The following TBC1D5 variants were observed in gnomAD, a reference collection of about 807,000 sequenced individuals.
TBC1D5 encodes the protein TBC1 domain family member 5.
A neutral mutation model predicts 100.3 loss-of-function variants in TBC1D5; 75 were observed. The ratio of observed to expected loss-of-function variants is 0.75; its 90% CI spans 0.62 to 0.91. TBC1D5 has a LOEUF of 0.91. TBC1D5 is among the 40% of genes least tolerant of loss of function. The probability of loss-of-function intolerance (pLI) is 0.00; values close to 1 mark genes in which losing one functional copy is unlikely to be tolerated. For synonymous variants in TBC1D5, 323 were observed against 325.6 expected (o/e 0.99, Z 0.09); for missense variants, 910 against 942.4 (o/e 0.97, Z 0.45).
At chr3:17,710,153 G>T (rs1419077692) in intron 1 of TBC1D5, among the ~76,000 whole-genome samples, 2 of 151,702 alleles carry the variant, frequency 1.3e-5, no homozygotes, top group Non-Finnish European at 2.9e-5. Flanking sequence ...TGAACTAAGG[G>T]GAGAAAAAAA....
At chr3:17,481,286 TC>T (rs1350177891) in intron 3 of TBC1D5, among the ~76,000 whole-genome samples, 1 of 152,198 alleles carries the variant, frequency 6.6e-6, no homozygotes, top group Non-Finnish European at 1.5e-5. Flanking sequence ...CCATACTTGC[TC>T]CACTCTGTGC....
chr3:17,460,751 G>T (rs546251946), intron 3 of TBC1D5, among the ~76,000 whole-genome samples: 2 of 151,176 alleles, frequency 1.3e-5, no homozygotes, highest in Admixed American at 1.3e-4. Context: ...AGCTCACAGG[G>T]TTATGACGGT....
chr3:17,248,486 T>C (rs981047866), intron 16 of TBC1D5, among the ~76,000 whole-genome samples: 1 of 152,232 alleles, frequency 6.6e-6, no homozygotes, highest in African/African-American at 2.4e-5. Context: ...ATCAGAGGAA[T>C]CACTATCTAT....
intron 19 of TBC1D5, among the ~76,000 whole-genome samples, chr3:17,183,983 A>G (rs1376421287): frequency 6.6e-6 from 1 of 152,236 alleles, no homozygotes; most frequent in Non-Finnish European, 1.5e-5. Flanking sequence ...TTCCATGAGT[A>G]CATGTCTTAA....
At chr3:17,277,112 T>G (rs1284144188) in intron 15 of TBC1D5, among the ~76,000 whole-genome samples, 1 of 152,222 alleles carries the variant, frequency 6.6e-6, no homozygotes, top group East Asian at 1.9e-4. Context: ...TCAACCTCAC[T>G]AATATCCTAT....
rs145765052 is a variant in TBC1D5, at chr3:17,626,446, A to G, written c.-100-2533T>C. ...ACTGTACATGGCTAAGAGAGATCCA[A>G]AGAAATATAACATGGTCCCTGCTTT... is the stretch of plus-strand genomic sequence containing the variant. On this transcript the variant is annotated intron_variant, in intron 1 of 21. Coordinates refer to ENST00000253692, the Ensembl canonical transcript of TBC1D5. 9.5e-4 allele frequency among the ~76,000 whole-genome samples: 144 copies of G among 152,324 alleles called. 1 individual carries two copies. Among genetic ancestry groups the G allele is most frequent in the African/African-American group, 3.3e-3 (139 of 41,578 alleles).
intron 15 of TBC1D5, among the ~76,000 whole-genome samples, chr3:17,271,846 C>T (rs921336881): frequency 1.3e-5 from 2 of 152,050 alleles, no homozygotes; most frequent in Non-Finnish European, 2.9e-5. Flanking sequence ...GATTTTTCTG[C>T]ATTTATTGAG....
exon 8 of TBC1D5, chr3:17,403,187 T>C (rs1438528228): frequency 1.9e-6 from 3 of 1,585,948 alleles, no homozygotes; most frequent in Non-Finnish European, 2.6e-6. Flanking sequence ...ATACGTTCTT[T>C]TGACATCTTG....
intron 3 of TBC1D5, among the ~76,000 whole-genome samples, chr3:17,466,689 A>G (rs1038513059): frequency 3.3e-5 from 5 of 152,152 alleles, no homozygotes; most frequent in African/African-American, 1.2e-4. Flanking sequence ...ATGTCAAGTT[A>G]GACCACTAGA....
At chr3:17,225,567 C>T (rs561661515) in intron 17 of TBC1D5, among the ~76,000 whole-genome samples, 105 of 152,120 alleles carry the variant, frequency 6.9e-4, no homozygotes, top group Middle Eastern at 6.8e-3. Context: ...TCTGGGAGGC[C>T]GAGACTGGAG....
chr3:17,703,905 T>G (rs11928726), intron 1 of TBC1D5, among the ~76,000 whole-genome samples: 415 of 30,400 alleles, frequency 0.014, 4 homozygotes, highest in East Asian at 0.33. Flanking sequence ...ATATTTGTGT[T>G]TTTTTTTTGT....
intron 1 of TBC1D5, among the ~76,000 whole-genome samples, chr3:17,701,047 A>G (rs1250063001): frequency 6.6e-6 from 1 of 152,204 alleles, no homozygotes; most frequent in Non-Finnish European, 1.5e-5. Flanking sequence ...TTATTGTAGC[A>G]CTATTCACAA....
chr3:17,393,210 T>A (rs1403556348), intron 8 of TBC1D5, among the ~76,000 whole-genome samples: 1 of 152,150 alleles, frequency 6.6e-6, no homozygotes, highest in Non-Finnish European at 1.5e-5. Flanking sequence ...TGGGGTTGTT[T>A]TTTTCTTGTA....
chr3:17,452,187 G>C (rs1403643486), intron 3 of TBC1D5, among the ~76,000 whole-genome samples: 1 of 151,846 alleles, frequency 6.6e-6, no homozygotes, highest in Non-Finnish European at 1.5e-5. Flanking sequence ...TAAAAAGCAA[G>C]AACTGAAATC....
intron 2 of TBC1D5, among the ~76,000 whole-genome samples, chr3:17,551,052 C>CTG (rs767136660): frequency 1.4e-3 from 206 of 151,174 alleles, no homozygotes; most frequent in African/African-American, 4.4e-3. Flanking sequence ...GTAAATAGCT[C>CTG]TGTGTGTGTG....
intron 18 of TBC1D5, among the ~76,000 whole-genome samples, chr3:17,200,375 C>A (rs1448891684): frequency 6.6e-6 from 1 of 152,220 alleles, no homozygotes; most frequent in South Asian, 2.1e-4. Context: ...GGCAAGCAAG[C>A]ATTACCACCT....
At chr3:17,321,631 A>C (rs149641311) in intron 13 of TBC1D5, among the ~76,000 whole-genome samples, 5 of 152,344 alleles carry the variant, frequency 3.3e-5, no homozygotes, top group Non-Finnish European at 7.4e-5. Context: ...AATAGGTTCT[A>C]ATCAATATAC....
intron 2 of TBC1D5, among the ~76,000 whole-genome samples, chr3:17,527,211 G>A (rs183413484): frequency 6.6e-6 from 1 of 152,182 alleles, no homozygotes; most frequent in Non-Finnish European, 1.5e-5. Context: ...GCTTATTTGG[G>A]AGCTGGGAGC....
intron 1 of TBC1D5, among the ~76,000 whole-genome samples, chr3:17,642,892 C>T (rs2064660502): frequency 6.6e-6 from 1 of 152,108 alleles, no homozygotes; most frequent in African/African-American, 2.4e-5. Context: ...GCCCAAATAG[C>T]ACCGAATTCC....
Sources: allele counts gnomAD v4.1 joint callset (sites outside exome capture counted in the v4.1 genomes callset), GRCh38; gene constraint gnomAD v4.1.1; transcripts MANE v1.5; gene names NCBI Gene and HGNC (gene_info 2026-07-23, HGNC 2026-07-21).